PLCD3: variants seen among roughly 807,000 people sequenced by gnomAD.
The protein encoded by PLCD3 is 1-phosphatidylinositol 4,5-bisphosphate phosphodiesterase delta-3.
PLCD3 carries 62 observed loss-of-function variants against 82.8 expected under a neutral mutation model. The ratio of observed to expected loss-of-function variants is 0.75; its 90% CI spans 0.61 to 0.93. The LOEUF is 0.93. PLCD3 is among the 40% of genes least tolerant of loss of function. The probability of loss-of-function intolerance (pLI) is 0.00; values close to 1 mark genes in which losing one functional copy is unlikely to be tolerated. For missense variants in PLCD3, 1,023 were observed against 1,103.4 expected, an observed-to-expected ratio of 0.93 and a Z score of 1.03; for synonymous variants, 478 against 471.8, an observed-to-expected ratio of 1.01 and a Z score of -0.17.
chr17:45,116,593 G>A, intron 8 of PLCD3, 39 bp downstream of exon 8: 1 of 1,517,302 alleles, frequency 6.6e-7, no homozygotes, highest in South Asian at 1.3e-5. Context: ...ACTCCCACCA[G>A]ACCTCCCTCC....
intron 1 of PLCD3, among the ~76,000 whole-genome samples, chr17:45,124,908 C>T (rs559537414): frequency 2.4e-4 from 36 of 152,232 alleles, no homozygotes; most frequent in Non-Finnish European, 4.4e-4. Flanking sequence ...GGAAACAACC[C>T]GAGTGCTCAT....
chr17:45,112,778 G>T lies in PLCD3; in HGVS notation c.2282-74C>A, dbSNP rs557092916. 8 of 1,592,014 alleles carry T rather than the reference G, an allele frequency of 5.0e-6. No homozygotes were observed. In the East Asian group the frequency reaches 1.6e-4, roughly 32 times the overall value. On this transcript the variant is annotated intron_variant, in intron 14 of 14. Transcript: ENST00000619929. ...CTGGCCCAGCCCGGGCCTGCTTCAGGGCAGGAAATTCGAGGCACAAAGGTG... is the reference window on the plus strand; with the variant it reads ...CTGGCCCAGCCCGGGCCTGCTTCAGTGCAGGAAATTCGAGGCACAAAGGTG...
chr17:45,115,539 T>G, intron 8 of PLCD3, 49 bp from the exon 9 acceptor site: 1 of 1,514,618 alleles, frequency 6.6e-7, no homozygotes, highest in Non-Finnish European at 9.0e-7. Context: ...CTCGCCCCTG[T>G]GGCAGCCAGT....
chr17:45,120,175 C>T, intron 4 of PLCD3, 150 bp downstream of exon 4: 1 of 1,103,810 alleles, frequency 9.1e-7, no homozygotes, highest in Non-Finnish European at 1.3e-6. Context: ...TAACTAACCC[C>T]AGATGTTGCC....
chr17:45,118,690 G>T lies in PLCD3; in HGVS notation c.913+125C>A. ...GTTGTGCCATTTTACACATGTGGAA[G>T]CTGAGTCTGGAGGAGGTGAGGTAAC... On this transcript the variant is annotated intron_variant, in intron 5 of 14. Transcript: ENST00000619929. The surrounding 1 kb of genome is among the most constrained non-coding windows in gnomAD (Gnocchi z 4.1). 8.7e-7 allele frequency: 1 copy of T among 1,148,840 alleles called. No individual in the cohort carries two copies. The allele number at this position is 1,148,840 out of a possible 1,614,324, so 71.2% of individuals were successfully genotyped here. A position where few individuals can be genotyped will look rare whatever the true frequency, so the allele number is the denominator to read the frequency against.
In PLCD3 at chr17:45,111,642, GC is replaced by G. The variant is rs2054242843; in HGVS notation, c.*973del. The G allele has an allele frequency of 6.6e-6, 1 of 152,306 alleles. No homozygotes were observed. The highest frequency in any genetic ancestry group is 6.5e-5 in the Admixed American group (1 of 15,286). 9.4% of individuals were successfully genotyped at this position (152,306 alleles called of 1,614,324 possible). ...GCAGCATAGAGGTGCTCAGGGAGTG[GC>G]GGTGGTGAAATCAACGTGCTTCTTT... On this transcript the variant is annotated 3_prime_UTR_variant, in exon 15 of 15. Coordinates refer to ENST00000619929, the MANE Select transcript of PLCD3 (RefSeq NM_133373.5).
At chr17:45,130,846 C>T (rs1004264932) in intron 1 of PLCD3, among the ~76,000 whole-genome samples, 1 of 152,096 alleles carries the variant, frequency 6.6e-6, no homozygotes, top group Non-Finnish European at 1.5e-5. Flanking sequence ...AGCCTCTCCC[C>T]TTTGCCACTC....
rs372404841 is a variant in PLCD3, at chr17:45,118,185, C to T, written c.1116-47G>A. ...GACGGGCAAGGTGTTGCCAGAGTGC[C>T]ACAGAGCAGGGCAGCAGGCAGGCTG... On this transcript the variant is annotated intron_variant, in intron 6 of 14. Transcript: ENST00000619929. This position sits in a 1 kb window ranked among gnomAD's most constrained non-coding sequence, Gnocchi z 4.1. The T allele has an allele frequency of 2.2e-4, 358 of 1,613,052 alleles. No individual in the cohort carries two copies. The highest frequency in any genetic ancestry group is 2.8e-4 in the Non-Finnish European group (335 of 1,179,368).
chr17:45,112,584 TC>T lies in PLCD3; in HGVS notation c.*31del. On this transcript the variant is annotated 3_prime_UTR_variant, in exon 15 of 15. Coordinates refer to ENST00000619929, the MANE Select transcript of PLCD3 (RefSeq NM_133373.5). ...CTCTGCAGGGGATGTGGACTGGCAC[TC>T]GCAGAACCCCAAGGCGAGTGAGGTG... The T allele has an allele frequency of 6.4e-7, 1 of 1,556,694 alleles. No homozygotes were observed. The highest frequency in any genetic ancestry group is 8.7e-7 in the Non-Finnish European group (1 of 1,145,998).
At chr17:45,119,371 G>A (rs553615452) in intron 4 of PLCD3, among the ~76,000 whole-genome samples, 1 of 152,314 alleles carries the variant, frequency 6.6e-6, no homozygotes, top group Admixed American at 6.5e-5. Flanking sequence ...GGACAGCTGG[G>A]ACCACTGGTG....
intron 1 of PLCD3, among the ~76,000 whole-genome samples, chr17:45,131,260 G>A (rs933884639): frequency 6.6e-6 from 1 of 152,218 alleles, no homozygotes; most frequent in Non-Finnish European, 1.5e-5. Context: ...TCTACACGGG[G>A]TCCCTGGCAG....
chr17:45,114,422 C>T, intron 10 of PLCD3, 56 bp from the exon 11 acceptor site: 11 of 1,418,438 alleles, frequency 7.8e-6, no homozygotes, highest in Non-Finnish European at 1.1e-5. Context: ...TCACCCAAAG[C>T]CCCGGCCTGT....
At chr17:45,120,660 C>A (rs2054328956) in intron 3 of PLCD3, among the ~76,000 whole-genome samples, 1 of 152,198 alleles carries the variant, frequency 6.6e-6, no homozygotes, top group Admixed American at 6.5e-5. Flanking sequence ...CTGTCTTCAC[C>A]CTCAGAAGGC....
intron 1 of PLCD3, among the ~76,000 whole-genome samples, chr17:45,125,247 G>T (rs2054372669): frequency 6.6e-6 from 1 of 151,870 alleles, no homozygotes; most frequent in Non-Finnish European, 1.5e-5. Flanking sequence ...TGGATCATTT[G>T]AGGCAAGGAG....
chr17:45,110,718 T>A lies in PLCD3; in HGVS notation c.*1898A>T, dbSNP rs1381167732. ...TGTGCCTCCCATCCTGAGGCTGCAG[T>A]TTGGCAGCCTGACCCTCTGACAGCC... On this transcript the variant is annotated 3_prime_UTR_variant, in exon 15 of 15. Transcript: ENST00000619929. 6.6e-6 allele frequency: 1 copy of A among 152,246 alleles called. No homozygotes were observed. The highest frequency in any genetic ancestry group is 1.9e-4 in the East Asian group (1 of 5,174). 9.4% of individuals were successfully genotyped at this position (152,246 alleles called of 1,614,324 possible).
chr17:45,119,081 C>T (rs1327190988), intron 4 of PLCD3, 38 bp from the exon 5 acceptor site: 2 of 1,523,876 alleles, frequency 1.3e-6, no homozygotes, highest in Non-Finnish European at 1.8e-6. Flanking sequence ...GAGGCAGACA[C>T]TCCAGGAAAC....
At chr17:45,115,297 C>T (rs770534912) in intron 9 of PLCD3, 47 bp downstream of exon 9, 7 of 1,528,274 alleles carry the variant, frequency 4.6e-6, no homozygotes, top group African/African-American at 1.4e-5. Context: ...CCACATCCGT[C>T]CTCCCACCTT....
rs1218938880 is a variant in PLCD3 at position 45,113,546 on chromosome 17, C to T, written c.1888G>A (p.Val630Ile). 2.6e-6 allele frequency: 4 copies of T among 1,564,148 alleles called. No individual in the cohort carries two copies. The highest frequency in any genetic ancestry group is 2.6e-6 in the Non-Finnish European group (3 of 1,154,682). The change falls in exon 12 of 15, where the codon GTC (valine) becomes ATC (isoleucine). Residue 630 changes from valine to isoleucine, a missense_variant. Val to Ile is a conservative substitution (Grantham distance 29). This residue lies in a region of PLCD3 where 553 missense variants were observed against 655.7 expected (regional missense o/e 0.84). Coordinates refer to ENST00000619929, the MANE Select transcript of PLCD3 (RefSeq NM_133373.5). ...AGGACGTAGCCACACTGCCCATTGA[C>T]TAGGAAGCGCCCGGCATTGAGGTCC... ...EMDLNAGRFL[V>I]NGQCGYVLKP...
chr17:45,122,307 C>T (rs990474090), intron 1 of PLCD3, among the ~76,000 whole-genome samples: 3 of 152,234 alleles, frequency 2.0e-5, no homozygotes, highest in African/African-American at 7.2e-5. Context: ...CGCCACTGCA[C>T]TCCAGCTTGG....
Sources: gnomAD v4.1 joint callset for allele counts (sites outside exome capture counted in the v4.1 genomes callset) on GRCh38, gnomAD v4.1.1 for gene constraint, gnomAD v4.1.1 regional missense constraint, Gnocchi (gnomAD v3.1) non-coding constraint, MANE v1.5 for transcripts, NCBI Gene and HGNC (gene_info 2026-07-23, HGNC 2026-07-21) for gene names.